Variants in CCBE1 observed in about 807,000 individuals in gnomAD.
CCBE1 encodes collagen and calcium binding EGF domains 1.
In CCBE1, 37 loss-of-function variants were observed where a neutral mutation model predicts 50.0. The observed-to-expected ratio is 0.74, with a 90% CI of 0.57 to 0.97. The LOEUF is 0.97. Ranked by LOEUF, CCBE1 falls within the 50% of genes least tolerant of loss-of-function variation. CCBE1 has a pLI of 0.00. For synonymous variants in CCBE1, 234 were observed against 203.7 expected (o/e 1.15, Z -1.27); for missense variants, 538 against 523.8 (o/e 1.03, Z -0.26).
chr18:59,635,762 A>G (rs138157200), intron 2 of CCBE1, among the ~76,000 whole-genome samples: 2 of 152,262 alleles, frequency 1.3e-5, no homozygotes, highest in East Asian at 3.9e-4. Context: ...CAAGATAGGA[A>G]AGTAAAATAA....
chr18:59,522,993 C>CCA (rs1914669526), intron 2 of CCBE1, among the ~76,000 whole-genome samples: 1 of 89,222 alleles, frequency 1.1e-5, no homozygotes, highest in Non-Finnish European at 2.2e-5. Flanking sequence ...GACTCTGTTT[C>CCA]AAAAAAAAAA....
At chr18:59,525,042 T>C (rs1468230042) in intron 2 of CCBE1, among the ~76,000 whole-genome samples, 2 of 152,244 alleles carry the variant, frequency 1.3e-5, no homozygotes, top group African/African-American at 2.4e-5. Context: ...AACATACATG[T>C]GCATGTATCT....
rs1257780310 is a variant in CCBE1 at position 59,435,585 on chromosome 18, T to C, written c.*323A>G. 4 of 358,866 alleles carry C rather than the reference T, an allele frequency of 1.1e-5. No individual in the cohort carries two copies. In the East Asian group the frequency reaches 1.9e-4, roughly 17 times the overall value. The allele number at this position is 358,866 out of a possible 1,614,324, so 22.2% of individuals were successfully genotyped here. A position where few individuals can be genotyped will look rare whatever the true frequency, so the allele number is the denominator to read the frequency against. ...TGCCAAATTTAACTTCAAGAATTTA[T>C]GATTTAAGACACTGTGAGAGTACTT... is the stretch of plus-strand genomic sequence containing the variant. On this transcript the variant is annotated 3_prime_UTR_variant, in exon 11 of 11. Coordinates refer to ENST00000439986, the MANE Select transcript of CCBE1 (RefSeq NM_133459.4).
intron 2 of CCBE1, among the ~76,000 whole-genome samples, chr18:59,570,979 G>C (rs999419477): frequency 6.6e-6 from 1 of 152,156 alleles, no homozygotes; most frequent in Admixed American, 6.6e-5. Flanking sequence ...TCAATTTCAT[G>C]CTCCATCACA....
intron 2 of CCBE1, among the ~76,000 whole-genome samples, chr18:59,671,170 G>T (rs958429123): frequency 3.9e-5 from 6 of 151,986 alleles, no homozygotes; most frequent in Non-Finnish European, 8.8e-5. Context: ...GGTCCTGAAC[G>T]CTAGGAAAGC....
intron 2 of CCBE1, among the ~76,000 whole-genome samples, chr18:59,664,086 C>T (rs2054321087): frequency 6.6e-6 from 1 of 152,136 alleles, no homozygotes; most frequent in South Asian, 2.1e-4. Context: ...AGGATGCCAG[C>T]ATGATTGGGT....
intron 3 of CCBE1, among the ~76,000 whole-genome samples, chr18:59,477,258 T>G (rs1482741804): frequency 1.3e-5 from 2 of 152,180 alleles, no homozygotes; most frequent in African/African-American, 4.8e-5. Flanking sequence ...CCCTTAGTAT[T>G]GTCACACCCT....
chr18:59,507,099 G>A (rs1913909621), intron 2 of CCBE1, among the ~76,000 whole-genome samples: 2 of 152,074 alleles, frequency 1.3e-5, no homozygotes, highest in Admixed American at 1.3e-4. Flanking sequence ...AATGACCCCT[G>A]GAAATATTCA....
At chr18:59,451,433 TAAA>T (rs34421089) in intron 6 of CCBE1, among the ~76,000 whole-genome samples, 7 of 99,358 alleles carry the variant, frequency 7.0e-5, no homozygotes, top group African/African-American at 8.2e-5. Context: ...ACAAGCAACT[TAAA>T]AAAAAAAAAA....
chr18:59,513,893 G>A (rs886511025), intron 2 of CCBE1, among the ~76,000 whole-genome samples: 1 of 152,124 alleles, frequency 6.6e-6, no homozygotes, highest in African/African-American at 2.4e-5. Flanking sequence ...GGGGAGAGAA[G>A]ACCCCCTATG....
At chr18:59,551,030 G>GAAAAA (rs1413332248) in intron 2 of CCBE1, among the ~76,000 whole-genome samples, 1 of 83,820 alleles carries the variant, frequency 1.2e-5, no homozygotes, top group Non-Finnish European at 2.5e-5. Context: ...AAAAAAAAAA[G>GAAAAA]AAAAGAAAAG....
At chr18:59,477,471 T>C (rs1242736689) in intron 3 of CCBE1, among the ~76,000 whole-genome samples, 1 of 152,038 alleles carries the variant, frequency 6.6e-6, no homozygotes, top group Non-Finnish European at 1.5e-5. Context: ...ACGGGACAAG[T>C]TACAGAAAAA....
intron 2 of CCBE1, among the ~76,000 whole-genome samples, chr18:59,685,562 A>G (rs988892268): frequency 6.6e-6 from 1 of 152,210 alleles, no homozygotes; most frequent in Non-Finnish European, 1.5e-5. Flanking sequence ...TTTAAGTCAG[A>G]GGTTTTCAGC....
intron 2 of CCBE1, among the ~76,000 whole-genome samples, chr18:59,659,749 A>G (rs1229737343): frequency 6.6e-6 from 1 of 152,140 alleles, no homozygotes; most frequent in African/African-American, 2.4e-5. Flanking sequence ...GAAATAGTAA[A>G]ATCCATCCTG....
rs370182372 is a variant in CCBE1, at chr18:59,445,950, C to G, written c.775+2033G>C. On this transcript the variant is annotated intron_variant, in intron 7 of 10. Coordinates refer to ENST00000439986, the MANE Select transcript of CCBE1 (RefSeq NM_133459.4). Reference sequence around the variant, plus strand: ...AGCAGATTCCAACCCAGAGTAGTTTCCTGTATTGGTGCTCCAGTCTGATTC... The same window carrying G: ...AGCAGATTCCAACCCAGAGTAGTTTGCTGTATTGGTGCTCCAGTCTGATTC... Among the ~76,000 whole-genome samples, 34 of 152,330 alleles carry G rather than the reference C, an allele frequency of 2.2e-4. 2 individuals carry two copies. The East Asian group carries it at 6.2e-3, about 28-fold the overall frequency.
At position 59,697,403 on chromosome 18, in the gene CCBE1, T is replaced by TCCGCGG; in HGVS notation, c.-67_-62dup. 1 of 1,513,220 alleles carries TCCGCGG rather than the reference T, an allele frequency of 6.6e-7. No homozygotes were observed. 93.7% of individuals were successfully genotyped at this position (1,513,220 alleles called of 1,614,324 possible). A position where few individuals can be genotyped will look rare whatever the true frequency, so the allele number is the denominator to read the frequency against. ...CCGTCCGGACCAAGCGTCCTGCTCC[T>TCCGCGG]CCGCGGCCGCCGCCGCCTTCCCTCT... On this transcript the variant is annotated 5_prime_UTR_variant, in exon 1 of 11. Transcript: ENST00000439986.
intron 2 of CCBE1, among the ~76,000 whole-genome samples, chr18:59,541,145 G>A (rs1231318914): frequency 6.6e-6 from 1 of 152,154 alleles, no homozygotes; most frequent in East Asian, 1.9e-4. Context: ...ATATATGGTA[G>A]CTTTGCAAAA....
At chr18:59,472,161 T>A (rs573495513) in intron 3 of CCBE1, among the ~76,000 whole-genome samples, 8 of 152,324 alleles carry the variant, frequency 5.3e-5, no homozygotes, top group Non-Finnish European at 8.8e-5. Context: ...TTCCTCTGAG[T>A]TCTGAGAAAT....
chr18:59,498,517 G>A (rs1401130131), intron 2 of CCBE1, among the ~76,000 whole-genome samples: 1 of 152,144 alleles, frequency 6.6e-6, no homozygotes, highest in African/African-American at 2.4e-5. Flanking sequence ...TGCATTTTAT[G>A]GAATTAGTGA....
Sources: gnomAD v4.1 joint callset for allele counts (sites outside exome capture counted in the v4.1 genomes callset) on GRCh38, gnomAD v4.1.1 for gene constraint, MANE v1.5 for transcripts, NCBI Gene and HGNC (gene_info 2026-07-23, HGNC 2026-07-21) for gene names.